RGL1: variants seen among roughly 807,000 people sequenced by gnomAD.
RGL1 encodes ral guanine nucleotide dissociation stimulator like 1, also known as ral guanine nucleotide dissociation stimulator-like 1.
In RGL1, 24 loss-of-function variants were observed where a neutral mutation model predicts 95.2. The observed-to-expected ratio is 0.25, with a 90% CI of 0.18 to 0.35. The LOEUF (loss-of-function observed/expected upper bound fraction) is 0.35. Ranked by LOEUF, RGL1 falls within the 10% of genes least tolerant of loss-of-function variation. The probability of loss-of-function intolerance (pLI) is 1.00; values close to 1 mark genes in which losing one functional copy is unlikely to be tolerated. For synonymous variants in RGL1, 329 were observed against 344.9 expected (o/e 0.95, Z 0.51); for missense variants, 715 against 936.3 (o/e 0.76, Z 3.08).
intron 2 of RGL1, among the ~76,000 whole-genome samples, chr1:183,768,461 CTTTTT>C (rs71130639): frequency 1.2e-5 from 1 of 83,850 alleles, no homozygotes; most frequent in Non-Finnish European, 2.2e-5. Context: ...CTTTAGATAA[CTTTTT>C]TTTTTTTTTT....
At chr1:183,877,732 C>A (rs1558266025) in intron 4 of RGL1, among the ~76,000 whole-genome samples, 1 of 152,168 alleles carries the variant, frequency 6.6e-6, no homozygotes, top group South Asian at 2.1e-4. Flanking sequence ...ACTTTCAAAG[C>A]CTTCTTAGGC....
At chr1:183,706,834 C>T (rs903179832) in intron 1 of RGL1, among the ~76,000 whole-genome samples, 5 of 152,132 alleles carry the variant, frequency 3.3e-5, no homozygotes, top group Non-Finnish European at 7.4e-5. Context: ...AAGAAGGTCT[C>T]GTGTGGTTTG....
intron 10 of RGL1, among the ~76,000 whole-genome samples, chr1:183,899,262 T>G (rs1558281330): frequency 6.6e-6 from 1 of 152,244 alleles, no homozygotes; most frequent in Non-Finnish European, 1.5e-5. Flanking sequence ...AGACTTTGTT[T>G]GGATTTCACC....
chr1:183,761,039 C>T (rs1364345469), intron 2 of RGL1, among the ~76,000 whole-genome samples: 1 of 152,244 alleles, frequency 6.6e-6, no homozygotes, highest in African/African-American at 2.4e-5. Context: ...GCAGTTGCTT[C>T]ATCCATTGAA....
At chr1:183,735,420 A>G (rs1401136370) in intron 1 of RGL1, among the ~76,000 whole-genome samples, 1 of 152,192 alleles carries the variant, frequency 6.6e-6, no homozygotes, top group Non-Finnish European at 1.5e-5. Flanking sequence ...GTAAAAATCT[A>G]TTTTTTAAAA....
intron 1 of RGL1, among the ~76,000 whole-genome samples, chr1:183,669,270 G>A (rs11577569): frequency 1.5e-4 from 23 of 152,062 alleles, no homozygotes; most frequent in Non-Finnish European, 2.6e-4. Flanking sequence ...TCTTCATCAT[G>A]TCCAGTCTAC....
intron 7 of RGL1, among the ~76,000 whole-genome samples, chr1:183,886,649 CT>C (rs912035150): frequency 3.3e-5 from 5 of 151,216 alleles, no homozygotes; most frequent in African/African-American, 7.3e-5. Flanking sequence ...AGGGCTCTTA[CT>C]TTTTTTTTGG....
intron 2 of RGL1, among the ~76,000 whole-genome samples, chr1:183,817,902 G>A (rs960349011): frequency 6.6e-6 from 1 of 152,180 alleles, no homozygotes; most frequent in Non-Finnish European, 1.5e-5. Context: ...AGGGTATCCT[G>A]GAGGGACCTG....
At chr1:183,902,664 C>T in intron 12 of RGL1, 64 bp downstream of exon 12, 1 of 1,525,774 alleles carries the variant, frequency 6.6e-7, no homozygotes, top group Non-Finnish European at 8.9e-7. Flanking sequence ...GAAATGGGGA[C>T]TTAAGTTTTT....
intron 1 of RGL1, among the ~76,000 whole-genome samples, chr1:183,677,768 A>G (rs10911399): frequency 0.081 from 12,317 of 152,182 alleles, 917 homozygotes; most frequent in African/African-American, 0.2. Flanking sequence ...GGTCAATGTC[A>G]CATCACCATG....
chr1:183,869,471 C>T lies in RGL1; in HGVS notation c.425+3398C>T, dbSNP rs77544961. On this transcript the variant is annotated intron_variant, in intron 4 of 17. Coordinates refer to ENST00000360851, the MANE Select transcript of RGL1 (RefSeq NM_001297671.3). ...AAAGTTCTTGACCCTTTTGCTCAGA[C>T]TGAGTTGCCTTTTAAAAAATTATGC... Among the ~76,000 whole-genome samples the T allele has an allele frequency of 2.6e-5, 4 of 152,330 alleles. No homozygotes were observed. The East Asian group carries it at 7.7e-4, about 29-fold the overall frequency.
intron 2 of RGL1, among the ~76,000 whole-genome samples, chr1:183,753,506 A>G (rs1192595449): frequency 1.3e-5 from 2 of 152,236 alleles, no homozygotes; most frequent in African/African-American, 4.8e-5. Context: ...TCACAGCAAG[A>G]GCAGCAGCCA....
intron 2 of RGL1, among the ~76,000 whole-genome samples, chr1:183,797,635 C>G (rs1024795392): frequency 1.3e-5 from 2 of 152,214 alleles, no homozygotes; most frequent in African/African-American, 4.8e-5. Context: ...AAAATGGAAG[C>G]AACGGCTTAC....
In RGL1 at chr1:183,771,637, T is replaced by C. The variant is rs1341407040; in HGVS notation, c.132+29348T>C. ...ATCCTTCCTTTTGATACGTGAGTGC[T>C]GGGAAGGGAAGAGCGTGGTTCCTTT... On this transcript the variant is annotated intron_variant, in intron 2 of 18. Coordinates refer to the RGL1 transcript ENST00000304685. 3.3e-5 allele frequency among the ~76,000 whole-genome samples: 5 copies of C among 152,192 alleles called. No homozygotes were observed. The East Asian group carries it at 9.6e-4, about 29-fold the overall frequency.
chr1:183,915,474 A>G (rs976220224), intron 15 of RGL1, among the ~76,000 whole-genome samples: 6 of 152,246 alleles, frequency 3.9e-5, no homozygotes, highest in Non-Finnish European at 7.3e-5. Context: ...AGAAAAGCAT[A>G]TTAACTGTAG....
intron 1 of RGL1, among the ~76,000 whole-genome samples, chr1:183,661,092 A>G (rs1651585758): frequency 6.6e-6 from 1 of 152,214 alleles, no homozygotes; most frequent in African/African-American, 2.4e-5. Flanking sequence ...CTAAATGCCC[A>G]CAAGAGAAAG....
chr1:183,799,945 T>C (rs1660898744), intron 2 of RGL1, among the ~76,000 whole-genome samples: 1 of 152,228 alleles, frequency 6.6e-6, no homozygotes, highest in African/African-American at 2.4e-5. Flanking sequence ...ATGCCTCCTA[T>C]GTTCCAAGTA....
rs575229620 is a variant in RGL1, at chr1:183,874,828, G to T, written c.426-5788G>T. ...CATCAGGAAAATCATCTAGCTGGAG[G>T]TCTCAGAGGCAGCTTCTATCTGGCA... On this transcript the variant is annotated intron_variant, in intron 4 of 17. Transcript: ENST00000360851. Among the ~76,000 whole-genome samples the T allele has an allele frequency of 7.8e-4, 118 of 152,234 alleles. 3 individuals carry two copies. Among genetic ancestry groups the T allele is most frequent in the Non-Finnish European group, 7.1e-4 (48 of 68,012 alleles).
chr1:183,816,311 G>T (rs982632532), intron 2 of RGL1, among the ~76,000 whole-genome samples: 5 of 152,192 alleles, frequency 3.3e-5, no homozygotes, highest in Admixed American at 3.3e-4. Flanking sequence ...TCTAAAAACT[G>T]CTTGGTAAGC....
Sources: allele counts gnomAD v4.1 joint callset (sites outside exome capture counted in the v4.1 genomes callset), GRCh38; gene constraint gnomAD v4.1.1; transcripts MANE v1.5; gene names NCBI Gene and HGNC (gene_info 2026-07-23, HGNC 2026-07-21).